KCNMA1: variants seen among roughly 807,000 people sequenced by gnomAD.
KCNMA1 encodes the protein Calcium-activated potassium channel subunit alpha-1.
KCNMA1 carries 29 observed loss-of-function variants against 140.0 expected under a neutral mutation model. The ratio of observed to expected loss-of-function variants is 0.21; its 90% CI spans 0.15 to 0.28. The LOEUF is 0.28. Ranked by LOEUF, KCNMA1 falls within the 10% of genes least tolerant of loss-of-function variation. KCNMA1 has a pLI of 1.00. For synonymous variants in KCNMA1, 612 were observed against 611.9 expected (o/e 1.00, Z 0.00); for missense variants, 880 against 1,602.2 (o/e 0.55, Z 7.70).
At chr10:77,608,929 G>A (rs7099004) in intron 1 of KCNMA1, among the ~76,000 whole-genome samples, 1,105 of 93,348 alleles carry the variant, frequency 0.012, 17 homozygotes, top group African/African-American at 0.047. Flanking sequence ...AGCAAAAAAA[G>A]AGAGAGAGAG....
At chr10:77,055,360 T>C (rs1023691359) in intron 14 of KCNMA1, among the ~76,000 whole-genome samples, 1 of 152,150 alleles carries the variant, frequency 6.6e-6, no homozygotes, top group Non-Finnish European at 1.5e-5. Context: ...ATCATCAAGA[T>C]GTGGACAAAA....
At chr10:77,529,164 A>G (rs1340342198) in intron 1 of KCNMA1, among the ~76,000 whole-genome samples, 2 of 152,196 alleles carry the variant, frequency 1.3e-5, no homozygotes, top group Admixed American at 1.3e-4. Flanking sequence ...CGTGGTGAAG[A>G]GCCAGGCAAA....
At position 77,267,374 on chromosome 10, in the gene KCNMA1, T is replaced by C. The variant is rs147270730; in HGVS notation, c.541-16118A>G. ...AGGCCCAGAGAGCTTAAATGCCCTG[T>C]ATAAGAGGCAGAGCTTAGTCTCAAA... is the stretch of plus-strand genomic sequence containing the variant. On this transcript the variant is annotated intron_variant, in intron 2 of 27. Transcript: ENST00000286628. Among the ~76,000 whole-genome samples, 24 of 152,302 alleles carry C rather than the reference T, an allele frequency of 1.6e-4. No individual in the cohort carries two copies. The East Asian group carries it at 4.6e-3, about 29-fold the overall frequency.
At chr10:77,576,411 C>A (rs2074106997) in intron 1 of KCNMA1, among the ~76,000 whole-genome samples, 1 of 152,226 alleles carries the variant, frequency 6.6e-6, no homozygotes, top group Non-Finnish European at 1.5e-5. Flanking sequence ...GAAACAATCC[C>A]CCATCCTTTA....
chr10:77,146,712 A>C (rs2098302646), intron 5 of KCNMA1, among the ~76,000 whole-genome samples: 1 of 143,438 alleles, frequency 7.0e-6, no homozygotes. Context: ...AAAAAAAAAA[A>C]AAAAAAAAAA....
intron 4 of KCNMA1, 109 bp downstream of exon 4, chr10:77,184,714 T>C (rs551155649): frequency 6.3e-6 from 5 of 795,218 alleles, no homozygotes; most frequent in South Asian, 5.5e-5. Flanking sequence ...GGGTGCGCTG[T>C]TTCTCCTGGA....
At chr10:77,104,416 G>A (rs2097160660) in intron 9 of KCNMA1, among the ~76,000 whole-genome samples, 1 of 152,128 alleles carries the variant, frequency 6.6e-6, no homozygotes, top group African/African-American at 2.4e-5. Context: ...TCATCCTGAG[G>A]ACCTTCCTTC....
At chr10:77,072,042 C>G (rs1374869457) in intron 14 of KCNMA1, among the ~76,000 whole-genome samples, 1 of 152,212 alleles carries the variant, frequency 6.6e-6, no homozygotes, top group Non-Finnish European at 1.5e-5. Flanking sequence ...AGCCACATGA[C>G]AGCAAAAGGC....
intron 2 of KCNMA1, among the ~76,000 whole-genome samples, chr10:77,349,888 T>C (rs1264185376): frequency 1.3e-5 from 2 of 151,932 alleles, no homozygotes; most frequent in African/African-American, 4.8e-5. Flanking sequence ...TCTATTTATA[T>C]GCCCATTTCT....
chr10:77,566,562 C>T (rs1390409799), intron 1 of KCNMA1, among the ~76,000 whole-genome samples: 1 of 152,188 alleles, frequency 6.6e-6, no homozygotes, highest in African/African-American at 2.4e-5. Context: ...AGGGAGGAAC[C>T]TGCCATTTCC....
At chr10:77,405,659 A>T (rs899146978) in intron 1 of KCNMA1, among the ~76,000 whole-genome samples, 5 of 152,242 alleles carry the variant, frequency 3.3e-5, no homozygotes, top group African/African-American at 9.6e-5. Flanking sequence ...TGCAACTATG[A>T]CTGCAGATGA....
chr10:77,375,075 A>G (rs2094992814), intron 2 of KCNMA1, among the ~76,000 whole-genome samples: 1 of 152,192 alleles, frequency 6.6e-6, no homozygotes, highest in Non-Finnish European at 1.5e-5. Context: ...AAGTGCTGAG[A>G]AAAGTCAAGA....
chr10:77,220,755 A>C (rs1330219181), intron 3 of KCNMA1, among the ~76,000 whole-genome samples: 1 of 146,168 alleles, frequency 6.8e-6, no homozygotes, highest in East Asian at 1.9e-4. Flanking sequence ...CATATATTCC[A>C]GTTTCTGCTA....
At chr10:77,604,137 C>T (rs560680214) in intron 1 of KCNMA1, among the ~76,000 whole-genome samples, 24 of 152,284 alleles carry the variant, frequency 1.6e-4, no homozygotes, top group African/African-American at 5.1e-4. Flanking sequence ...GTCCTGGCCC[C>T]GAGGAAGTGA....
At chr10:77,080,261 G>A (rs940994770) in intron 12 of KCNMA1, among the ~76,000 whole-genome samples, 14 of 152,204 alleles carry the variant, frequency 9.2e-5, no homozygotes, top group African/African-American at 2.9e-4. Context: ...GCAATTAAAA[G>A]TAGGTATAAA....
chr10:76,897,932 A>G (rs1356690192), intron 25 of KCNMA1, among the ~76,000 whole-genome samples: 2 of 151,998 alleles, frequency 1.3e-5, no homozygotes, highest in African/African-American at 4.8e-5. Flanking sequence ...TAGAAAATAC[A>G]TCTATAGAAT....
At chr10:76,912,871 T>C (rs987792155) in intron 24 of KCNMA1, 1 of 152,156 alleles carries the variant, frequency 6.6e-6, no homozygotes, top group African/African-American at 2.4e-5. Flanking sequence ...CCTCCAGTTC[T>C]GAGGAGAGCA....
At chr10:77,093,278 G>C (rs1595805486) in intron 9 of KCNMA1, among the ~76,000 whole-genome samples, 3 of 152,274 alleles carry the variant, frequency 2.0e-5, no homozygotes, top group Non-Finnish European at 4.4e-5. Flanking sequence ...AAAAAAGCGA[G>C]ATTGATTGAA....
At chr10:76,911,605 T>G (rs1379039961) in intron 24 of KCNMA1, 1 of 152,232 alleles carries the variant, frequency 6.6e-6, no homozygotes, top group African/African-American at 2.4e-5. Flanking sequence ...GCCCAGCATC[T>G]GGATCATGCC....
Sources: allele counts gnomAD v4.1 joint callset (sites outside exome capture counted in the v4.1 genomes callset), GRCh38; gene constraint gnomAD v4.1.1; transcripts MANE v1.5; gene names NCBI Gene and HGNC (gene_info 2026-07-23, HGNC 2026-07-21).